Variants in DGKB observed in about 807,000 individuals in gnomAD.
DGKB encodes the protein 90 kDa diacylglycerol kinase.
In DGKB, 67 loss-of-function variants were observed where a neutral mutation model predicts 114.3. The ratio of observed to expected loss-of-function variants is 0.59; its 90% CI spans 0.48 to 0.72. The LOEUF (loss-of-function observed/expected upper bound fraction) is 0.72, where lower values mean the gene tolerates loss of function less well. DGKB is among the 30% of genes least tolerant of loss of function. The probability of loss-of-function intolerance (pLI) is 0.00; values close to 1 mark genes in which losing one functional copy is unlikely to be tolerated. For synonymous variants in DGKB, 398 were observed against 323.1 expected (o/e 1.23, Z -2.49); for missense variants, 907 against 975.2 (o/e 0.93, Z 0.93).
At chr7:14,286,612 T>A (rs1800916956) in intron 23 of DGKB, among the ~76,000 whole-genome samples, 1 of 152,150 alleles carries the variant, frequency 6.6e-6, no homozygotes, top group Non-Finnish European at 1.5e-5. Context: ...TCAGTACTTT[T>A]CTTTGCCCTA....
chr7:14,221,325 C>T (rs917168822), intron 23 of DGKB, among the ~76,000 whole-genome samples: 2 of 150,942 alleles, frequency 1.3e-5, no homozygotes, highest in Admixed American at 1.3e-4. Flanking sequence ...TACATAGAAG[C>T]CCTTTATCAG....
intron 1 of DGKB, among the ~76,000 whole-genome samples, chr7:14,846,850 G>C (rs1860582): frequency 6.6e-6 from 1 of 151,990 alleles, no homozygotes; most frequent in African/African-American, 2.4e-5. Context: ...CAACCTACTC[G>C]TGAAGACGCC....
rs537002205 is a variant in DGKB at position 14,325,292 on chromosome 7, A to G, written c.2122+13223T>C. On this transcript the variant is annotated intron_variant, in intron 23 of 25. Coordinates refer to ENST00000402815, the MANE Select transcript of DGKB (RefSeq NM_001350709.2). Reference sequence around the variant, plus strand: ...GTTGCTAGATCAGTGGGGGGTCATCATGGTGATTTGGTTATATGGTTCCGA... The same window carrying G: ...GTTGCTAGATCAGTGGGGGGTCATCGTGGTGATTTGGTTATATGGTTCCGA... 2.6e-5 allele frequency among the ~76,000 whole-genome samples: 4 copies of G among 152,120 alleles called. No individual in the cohort carries two copies. The East Asian group carries it at 7.7e-4, about 29-fold the overall frequency.
intron 20 of DGKB, among the ~76,000 whole-genome samples, chr7:14,549,750 A>T (rs1794837739): frequency 6.6e-6 from 1 of 152,210 alleles, no homozygotes; most frequent in East Asian, 1.9e-4. Context: ...GCACTTTGGG[A>T]GGCCAAGGTG....
intron 25 of DGKB, among the ~76,000 whole-genome samples, chr7:14,167,836 A>G (rs1423164098): frequency 6.6e-6 from 1 of 152,198 alleles, no homozygotes; most frequent in African/African-American, 2.4e-5. Context: ...AGCAACAACA[A>G]TAAATTAACA....
At chr7:14,549,405 T>C (rs186138387) in intron 20 of DGKB, among the ~76,000 whole-genome samples, 266 of 151,996 alleles carry the variant, frequency 1.8e-3, no homozygotes, top group Non-Finnish European at 2.7e-3. Context: ...GGAATAAATA[T>C]TTTTTTTTAA....
intron 2 of DGKB, among the ~76,000 whole-genome samples, chr7:14,767,030 A>G (rs1390965775): frequency 2.0e-5 from 3 of 151,618 alleles, no homozygotes; most frequent in Non-Finnish European, 4.4e-5. Context: ...TGATGAGAGG[A>G]ATGGGAGGCA....
At chr7:14,381,669 C>T (rs976579959) in intron 21 of DGKB, among the ~76,000 whole-genome samples, 2 of 152,122 alleles carry the variant, frequency 1.3e-5, no homozygotes, top group African/African-American at 2.4e-5. Context: ...TATCCACAGG[C>T]GTGATCATAT....
intron 20 of DGKB, among the ~76,000 whole-genome samples, chr7:14,480,058 G>C (rs1782757010): frequency 6.6e-6 from 1 of 151,866 alleles, no homozygotes; most frequent in South Asian, 2.1e-4. Context: ...TTTTTTACAG[G>C]TGTATATTTT....
chr7:14,866,154 G>A (rs760394930), intron 1 of DGKB, among the ~76,000 whole-genome samples: 28 of 152,040 alleles, frequency 1.8e-4, no homozygotes, highest in African/African-American at 2.9e-4. Context: ...AGGAAGGTAC[G>A]GCGATTTTTC....
intron 20 of DGKB, among the ~76,000 whole-genome samples, chr7:14,569,174 C>G (rs1798014636): frequency 6.6e-6 from 1 of 152,134 alleles, no homozygotes; most frequent in African/African-American, 2.4e-5. Flanking sequence ...GATTATGTCC[C>G]TGAGCATTGA....
At chr7:14,861,836 A>C (rs967868678) in intron 1 of DGKB, among the ~76,000 whole-genome samples, 10 of 151,986 alleles carry the variant, frequency 6.6e-5, no homozygotes, top group African/African-American at 1.7e-4. Flanking sequence ...CCATTGTCTG[A>C]ATACATCTTA....
At chr7:14,459,469 T>C (rs1832767946) in intron 21 of DGKB, among the ~76,000 whole-genome samples, 1 of 152,248 alleles carries the variant, frequency 6.6e-6, no homozygotes, top group Non-Finnish European at 1.5e-5. Flanking sequence ...CAAGTATCAG[T>C]AGTTGAACTG....
At chr7:14,887,104 C>A (rs1331039514) in intron 1 of DGKB, among the ~76,000 whole-genome samples, 3 of 151,804 alleles carry the variant, frequency 2.0e-5, no homozygotes, top group Admixed American at 1.3e-4. Flanking sequence ...GGTGTGATTT[C>A]CTGTTTATTT....
At chr7:14,371,764 T>C (rs1294955930) in intron 21 of DGKB, among the ~76,000 whole-genome samples, 5 of 152,160 alleles carry the variant, frequency 3.3e-5, no homozygotes, top group Non-Finnish European at 5.9e-5. Flanking sequence ...CGATGTTTCC[T>C]AGATTTCCTT....
intron 6 of DGKB, among the ~76,000 whole-genome samples, chr7:14,703,585 G>T (rs1265227111): frequency 2.6e-5 from 4 of 152,212 alleles, no homozygotes; most frequent in Non-Finnish European, 5.9e-5. Flanking sequence ...TTATCAATCA[G>T]ATGCTAGTGA....
chr7:14,466,658 AAAC>A (rs1356061611), intron 21 of DGKB, among the ~76,000 whole-genome samples: 1 of 132,324 alleles, frequency 7.6e-6, no homozygotes, highest in Admixed American at 7.8e-5. Context: ...AAAAAAAAAA[AAAC>A]ACAAAAATTA....
chr7:14,373,400 T>C (rs1817986680), intron 21 of DGKB, among the ~76,000 whole-genome samples: 2 of 152,206 alleles, frequency 1.3e-5, no homozygotes, highest in African/African-American at 4.8e-5. Flanking sequence ...ACTGTTGTAT[T>C]GCATAAAAAT....
At chr7:14,700,220 T>TG (rs1194405537) in intron 7 of DGKB, among the ~76,000 whole-genome samples, 1 of 150,746 alleles carries the variant, frequency 6.6e-6, no homozygotes, top group Non-Finnish European at 1.5e-5. Context: ...AAATTTTTTT[T>TG]TTTTTTTTTT....
Sources: allele counts gnomAD v4.1 joint callset (sites outside exome capture counted in the v4.1 genomes callset), GRCh38; gene constraint gnomAD v4.1.1; transcripts MANE v1.5; gene names NCBI Gene and HGNC (gene_info 2026-07-23, HGNC 2026-07-21).